JAK2: variants seen among roughly 807,000 people sequenced by gnomAD.
The protein encoded by JAK2 is tyrosine-protein kinase JAK2.
In JAK2, 86 loss-of-function variants were observed where a neutral mutation model predicts 139.3. The observed-to-expected ratio is 0.62, with a 90% CI of 0.52 to 0.74. The LOEUF is 0.74. Among genes scored for constraint, JAK2 ranks in the 30% least tolerant of loss-of-function variants. The pLI is 0.00. For synonymous variants in JAK2, 490 were observed against 437.7 expected (o/e 1.12, Z -1.49); for missense variants, 1,421 against 1,360.3 (o/e 1.04, Z -0.70).
chr9:5,121,447 G>A (rs1029058235), intron 22 of JAK2, among the ~76,000 whole-genome samples: 11 of 152,122 alleles, frequency 7.2e-5, no homozygotes, highest in Admixed American at 6.5e-4. Context: ...TTTATACAAA[G>A]GAAAATACAC....
intron 22 of JAK2, among the ~76,000 whole-genome samples, chr9:5,119,350 C>T (rs1233119505): frequency 6.6e-6 from 1 of 151,904 alleles, no homozygotes; most frequent in African/African-American, 2.4e-5. Context: ...GGTCCTCCTT[C>T]CAAGGTTCCT....
intron 22 of JAK2, chr9:5,112,564 G>T: frequency 1.6e-6 from 1 of 641,538 alleles, no homozygotes; most frequent in Non-Finnish European, 2.7e-6. Flanking sequence ...TAACGCCAGG[G>T]AGCGGCTGCG....
chr9:5,022,957 T>C (rs1383143605), intron 3 of JAK2, among the ~76,000 whole-genome samples: 1 of 152,254 alleles, frequency 6.6e-6, no homozygotes, highest in East Asian at 1.9e-4. Flanking sequence ...ATTTATTCTC[T>C]TATTTAAGAT....
At chr9:5,077,636 A>G in intron 15 of JAK2, 56 bp downstream of exon 15, 1 of 1,129,132 alleles carries the variant, frequency 8.9e-7, no homozygotes. Context: ...AAAACAATAT[A>G]CAAATTATCT....
At chr9:5,018,659 C>G (rs1490466497) in intron 2 of JAK2, among the ~76,000 whole-genome samples, 3 of 152,160 alleles carry the variant, frequency 2.0e-5, no homozygotes, top group African/African-American at 4.8e-5. Context: ...CTTTGACTTC[C>G]ATATGTAGAA....
chr9:5,061,294 TCTC>T (rs1435158435), intron 8 of JAK2, among the ~76,000 whole-genome samples: 1 of 152,236 alleles, frequency 6.6e-6, no homozygotes, highest in Non-Finnish European at 1.5e-5. Flanking sequence ...AGCACTGACT[TCTC>T]CTCTCTAGCT....
rs537714323 is a variant in JAK2 at position 5,029,658 on chromosome 9, G to C, written c.227-125G>C. ...AGGGGTTGGTATATCAAAAGATTTCGACTGCTATTACATTTTGTTCCGATT... is the reference window on the plus strand; with the variant it reads ...AGGGGTTGGTATATCAAAAGATTTCCACTGCTATTACATTTTGTTCCGATT... On this transcript the variant is annotated intron_variant, in intron 3 of 24. Transcript: ENST00000381652. The C allele has an allele frequency of 6.5e-6, 5 of 763,362 alleles. No homozygotes were observed. The African/African-American group carries it at 8.9e-5, about 14-fold the overall frequency. 47.3% of individuals were successfully genotyped at this position (763,362 alleles called of 1,614,324 possible).
At chr9:5,108,957 G>C (rs1482682454) in intron 22 of JAK2, 1 of 151,956 alleles carries the variant, frequency 6.6e-6, no homozygotes, top group African/African-American at 2.4e-5. Context: ...CTTACCTGAG[G>C]CCTTCAAATA....
At chr9:5,057,874 C>A (rs947176539) in intron 8 of JAK2, among the ~76,000 whole-genome samples, 11 of 152,090 alleles carry the variant, frequency 7.2e-5, no homozygotes, top group African/African-American at 2.7e-4. Context: ...AGCCACTGTG[C>A]CCAGCCCCTC....
At chr9:4,989,676 G>A (rs755969104) in intron 2 of JAK2, among the ~76,000 whole-genome samples, 1 of 152,176 alleles carries the variant, frequency 6.6e-6, no homozygotes, top group Non-Finnish European at 1.5e-5. Context: ...AAAAGTTACA[G>A]ATATTTAAGA....
intron 3 of JAK2, among the ~76,000 whole-genome samples, chr9:5,029,459 G>A (rs1822996228): frequency 6.6e-6 from 1 of 152,136 alleles, no homozygotes; most frequent in South Asian, 2.1e-4. Context: ...GACACAAAGT[G>A]AGCACGTGCT....
At chr9:5,059,198 TAGA>T (rs922111429) in intron 8 of JAK2, among the ~76,000 whole-genome samples, 7 of 152,186 alleles carry the variant, frequency 4.6e-5, no homozygotes, top group African/African-American at 1.4e-4. Flanking sequence ...CTCTTACTCC[TAGA>T]AGGTTTCCAC....
chr9:5,063,577 T>G (rs1047723995), intron 8 of JAK2, among the ~76,000 whole-genome samples: 2 of 152,198 alleles, frequency 1.3e-5, no homozygotes, highest in African/African-American at 4.8e-5. Flanking sequence ...GTTGGTATCT[T>G]TAATGTGATT....
chr9:5,011,753 T>A (rs1821716601), intron 2 of JAK2, among the ~76,000 whole-genome samples: 1 of 152,186 alleles, frequency 6.6e-6, no homozygotes, highest in Admixed American at 6.5e-5. Flanking sequence ...TTCTCTGAAG[T>A]AATGAGTTTT....
intron 8 of JAK2, among the ~76,000 whole-genome samples, chr9:5,061,368 CTGTT>C (rs1319651093): frequency 6.6e-6 from 1 of 152,212 alleles, no homozygotes; most frequent in East Asian, 1.9e-4. Flanking sequence ...ATTTGAAAAT[CTGTT>C]TGTTAGTGTC....
At chr9:5,103,222 A>C (rs982334059) in intron 22 of JAK2, among the ~76,000 whole-genome samples, 41 of 40,178 alleles carry the variant, frequency 1.0e-3, no homozygotes, top group African/African-American at 3.6e-3. Flanking sequence ...AAGGGAAAGC[A>C]AAAAAAAAAA....
At chr9:5,085,005 C>G in intron 19 of JAK2, 2 of 849,150 alleles carry the variant, frequency 2.4e-6, no homozygotes, top group Non-Finnish European at 1.9e-6. Flanking sequence ...TCATTTATGT[C>G]TTGTGAGTAC....
chr9:5,129,639 CAATT>C lies in JAK2; in HGVS notation c.*2851_*2854del, dbSNP rs1442417605. 2.6e-5 allele frequency among the ~76,000 whole-genome samples: 4 copies of C among 152,036 alleles called. No individual in the cohort carries two copies. Among genetic ancestry groups the C allele is most frequent in the South Asian group, 2.1e-4 (1 of 4,820 alleles). The stretch of plus-strand genomic sequence containing the variant: ...AGATAAGCTTGATTTAAGAAAAAAA[CAATT>C]AAAGTATGAATATCAGAAATACTGT... On this transcript the variant is annotated 3_prime_UTR_variant, in exon 25 of 25. Coordinates refer to ENST00000381652, the MANE Select transcript of JAK2 (RefSeq NM_004972.4).
chr9:5,111,122 C>A lies in JAK2; in HGVS notation c.3060-11882C>A, dbSNP rs898076806. 8 of 1,187,958 alleles carry A rather than the reference C, an allele frequency of 6.7e-6. No individual in the cohort carries two copies. In the Admixed American group the frequency reaches 1.0e-4, roughly 15 times the overall value. The allele number at this position is 1,187,958 out of a possible 1,614,324, so 73.6% of individuals were successfully genotyped here. Reference sequence around the variant, plus strand: ...GACCAGAACAGCTCCTCCTTTGACCCCAGCTGGACGTTCAGCGAAGGCGCT... The same window carrying A: ...GACCAGAACAGCTCCTCCTTTGACCACAGCTGGACGTTCAGCGAAGGCGCT... On this transcript the variant is annotated intron_variant, in intron 22 of 24. Transcript: ENST00000381652.
Sources: gnomAD v4.1 joint callset for allele counts (sites outside exome capture counted in the v4.1 genomes callset) on GRCh38, gnomAD v4.1.1 for gene constraint, MANE v1.5 for transcripts, NCBI Gene and HGNC (gene_info 2026-07-23, HGNC 2026-07-21) for gene names.